Variants in RIMKLA observed in about 807,000 individuals in gnomAD.
RIMKLA encodes ribosomal modification protein rimK like family member A, also known as N-acetylaspartylglutamate synthase A.
Under a neutral mutation model 32.7 loss-of-function variants are expected in RIMKLA, and 14 were observed. The observed-to-expected ratio is 0.43, with a 90% CI of 0.28 to 0.67. The LOEUF (loss-of-function observed/expected upper bound fraction) is 0.67. Among genes scored for constraint, RIMKLA ranks in the 30% least tolerant of loss-of-function variants. The probability of loss-of-function intolerance (pLI) is 0.18; values close to 1 mark genes in which losing one functional copy is unlikely to be tolerated. For synonymous variants in RIMKLA, 176 were observed against 204.1 expected (o/e 0.86, Z 1.18); for missense variants, 410 against 519.0 (o/e 0.79, Z 2.04).
chr1:42,391,238 T>C (rs1642997405), intron 1 of RIMKLA, among the ~76,000 whole-genome samples: 1 of 152,244 alleles, frequency 6.6e-6, no homozygotes, highest in South Asian at 2.1e-4. Context: ...GGATTCTTCA[T>C]AGGGACATGG....
chr1:42,382,285 C>T (rs1336786718), intron 1 of RIMKLA, among the ~76,000 whole-genome samples: 2 of 152,212 alleles, frequency 1.3e-5, no homozygotes, highest in African/African-American at 2.4e-5. Flanking sequence ...AACCGGTACC[C>T]TCTCTCTATC....
chr1:42,402,983 C>T (rs1231617687), intron 2 of RIMKLA, among the ~76,000 whole-genome samples: 1 of 152,098 alleles, frequency 6.6e-6, no homozygotes, highest in African/African-American at 2.4e-5. Flanking sequence ...GTTTGAACCA[C>T]CAAGTTGTAA....
chr1:42,386,863 C>T (rs1022343446), intron 1 of RIMKLA, among the ~76,000 whole-genome samples: 16 of 142,956 alleles, frequency 1.1e-4, no homozygotes, highest in Admixed American at 2.9e-4. Flanking sequence ...CTACCCTGGG[C>T]GACACAGACT....
chr1:42,392,583 TG>T (rs1643008215), intron 1 of RIMKLA, among the ~76,000 whole-genome samples: 1 of 152,158 alleles, frequency 6.6e-6, no homozygotes, highest in African/African-American at 2.4e-5. Context: ...GATCCCACGT[TG>T]CCCACACATG....
At position 42,412,666 on chromosome 1, in the gene RIMKLA, T is replaced by G. The variant is rs1170568240; in HGVS notation, c.686-1818T>G. On this transcript the variant is annotated intron_variant, in intron 4 of 4. Coordinates refer to ENST00000431473, the MANE Select transcript of RIMKLA (RefSeq NM_173642.4). ...GTGATTTCAGATTTGCCAACGTAACTATGCTTTGTCATCAGTTAGAAACCA... is the reference window on the plus strand; with the variant it reads ...GTGATTTCAGATTTGCCAACGTAACGATGCTTTGTCATCAGTTAGAAACCA... The G allele has an allele frequency of 4.7e-5, 23 of 489,862 alleles. No individual in the cohort carries two copies. In the Admixed American group the frequency reaches 4.9e-4, roughly 10 times the overall value. 30.3% of individuals were successfully genotyped at this position (489,862 alleles called of 1,614,324 possible). A position where few individuals can be genotyped will look rare whatever the true frequency, so the allele number is the denominator to read the frequency against.
Position 42,390,114 on chromosome 1 carries a change from C to T in RIMKLA, c.163+9017C>T, listed in dbSNP as rs573538937. 4.5e-4 allele frequency among the ~76,000 whole-genome samples: 68 copies of T among 150,560 alleles called. No individual in the cohort carries two copies. In the East Asian group the frequency reaches 0.01, roughly 22 times the overall value. On this transcript the variant is annotated intron_variant, in intron 1 of 4. Transcript: ENST00000431473. ...ATGCAGTGGTGCGATCTCAGCTCGC[C>T]GCAACCTCTGCCTCCTGGGTTCAAG...
At chr1:42,411,082 C>T (rs1473051209) in intron 4 of RIMKLA, among the ~76,000 whole-genome samples, 1 of 152,162 alleles carries the variant, frequency 6.6e-6, no homozygotes, top group Admixed American at 6.5e-5. Context: ...GTAATCCCAG[C>T]ATTTTGGAAG....
rs1180707925 is a variant in RIMKLA at position 42,421,518 on chromosome 1, C to G, written c.*6544C>G. The G allele has an allele frequency of 6.6e-6, 1 of 152,190 alleles. No individual in the cohort carries two copies. The highest frequency in any genetic ancestry group is 1.9e-4 in the East Asian group (1 of 5,182). 9.4% of individuals were successfully genotyped at this position (152,190 alleles called of 1,614,324 possible). A position where few individuals can be genotyped will look rare whatever the true frequency, so the allele number is the denominator to read the frequency against. ...AAAATTCTGCTGTCCTGGGCCTATC[C>G]GGAGTGGGACTCCCGTAATCTCCTA... is the stretch of plus-strand genomic sequence containing the variant. On this transcript the variant is annotated 3_prime_UTR_variant, in exon 5 of 5. Coordinates refer to ENST00000431473, the MANE Select transcript of RIMKLA (RefSeq NM_173642.4). This position sits in a 1 kb window ranked among gnomAD's most constrained non-coding sequence, Gnocchi z 4.6.
intron 1 of RIMKLA, among the ~76,000 whole-genome samples, chr1:42,383,037 A>T (rs1164923288): frequency 2.2e-5 from 3 of 136,308 alleles, no homozygotes; most frequent in East Asian, 2.0e-4. Flanking sequence ...TTTTTATTTT[A>T]TTTATTTATT....
At chr1:42,400,888 GAAAAGAGGGCTGATCTGTTCACCTA>G (rs1643091138) in intron 2 of RIMKLA, among the ~76,000 whole-genome samples, 1 of 152,132 alleles carries the variant, frequency 6.6e-6, no homozygotes, top group South Asian at 2.1e-4. Context: ...TATGTAGGAA[GAAAAGAGGGCTGATCTGTTCACCTA>G]AAATGGTTAA....
Position 42,414,684 on chromosome 1 carries a change from G to T in RIMKLA, c.886G>T (p.Ala296Ser), listed in dbSNP as rs1344066731. ...CAACTTAGATGTGGGTGGGATCATTGCAGACTATACCATGTCCTTGCTGCC... is the reference window on the plus strand; with the variant it reads ...CAACTTAGATGTGGGTGGGATCATTTCAGACTATACCATGTCCTTGCTGCC... ...ACNLDVGGII[A>S]DYTMSLLPNR... The change falls in exon 5 of 5, where the codon GCA becomes TCA. Residue 296 changes from alanine (A) to serine (S), a missense_variant. Coordinates refer to ENST00000431473, the MANE Select transcript of RIMKLA (RefSeq NM_173642.4). 9.3e-6 allele frequency: 15 copies of T among 1,614,200 alleles called. No individual in the cohort carries two copies. The highest frequency in any genetic ancestry group is 1.3e-5 in the Non-Finnish European group (15 of 1,180,046).
intron 1 of RIMKLA, among the ~76,000 whole-genome samples, chr1:42,383,133 G>A (rs532359127): frequency 3.3e-5 from 5 of 151,828 alleles, no homozygotes; most frequent in Admixed American, 6.6e-5. Context: ...TGATCCATCC[G>A]CCTCGACCTC....
chr1:42,385,886 CTTT>C lies in RIMKLA; in HGVS notation c.163+4790_163+4792del, dbSNP rs751652288. On this transcript the variant is annotated intron_variant, in intron 1 of 4. Transcript: ENST00000431473. ...TCTTTCTTTCTTTCTTTCTTTCTTT[CTTT>C]CTTTCTTTCCTTCTTTCCTTCTTTC... 3.8e-3 allele frequency among the ~76,000 whole-genome samples: 354 copies of C among 93,980 alleles called. 3 individuals are homozygous for C. Among genetic ancestry groups the C allele is most frequent in the African/African-American group, 0.012 (319 of 25,654 alleles). 61.7% of individuals were successfully genotyped at this position (93,980 alleles called of 152,430 possible). A position where few individuals can be genotyped will look rare whatever the true frequency, so the allele number is the denominator to read the frequency against.
intron 1 of RIMKLA, among the ~76,000 whole-genome samples, chr1:42,394,988 C>T (rs1643030391): frequency 6.6e-6 from 1 of 152,224 alleles, no homozygotes; most frequent in Non-Finnish European, 1.5e-5. Context: ...ATCCACCCGC[C>T]TTGGCCTCCC....
At position 42,416,262 on chromosome 1, in the gene RIMKLA, A is replaced by G. The variant is rs1334539111; in HGVS notation, c.*1288A>G. 3 of 152,208 alleles carry G rather than the reference A, an allele frequency of 2.0e-5. No homozygotes were observed. Among genetic ancestry groups the G allele is most frequent in the Non-Finnish European group, 4.4e-5 (3 of 68,038 alleles). 9.4% of individuals were successfully genotyped at this position (152,208 alleles called of 1,614,324 possible). Reference sequence around the variant, plus strand: ...CCTTTTTAACCAAATACACTAGAACATATGCACTCAAGAGTTAGCATAATT... The same window carrying G: ...CCTTTTTAACCAAATACACTAGAACGTATGCACTCAAGAGTTAGCATAATT... On this transcript the variant is annotated 3_prime_UTR_variant, in exon 5 of 5. Transcript: ENST00000431473.
chr1:42,405,073 G>A lies in RIMKLA; in HGVS notation c.481+476G>A, dbSNP rs145878091. Among the ~76,000 whole-genome samples, 11 of 152,212 alleles carry A rather than the reference G, an allele frequency of 7.2e-5. No homozygotes were observed. The East Asian group carries it at 9.7e-4, about 13-fold the overall frequency. The stretch of plus-strand genomic sequence containing the variant: ...CTACTTCTCATTCACCAAGTAGACC[G>A]TGCATTTTCCCCTCTTTAAGCGTCT... On this transcript the variant is annotated intron_variant, in intron 3 of 4. Coordinates refer to ENST00000431473, the MANE Select transcript of RIMKLA (RefSeq NM_173642.4).
intron 1 of RIMKLA, among the ~76,000 whole-genome samples, 197 bp from the exon 2 acceptor site, chr1:42,399,207 C>G (rs1468457260): frequency 6.6e-6 from 1 of 152,072 alleles, no homozygotes; most frequent in Non-Finnish European, 1.5e-5. Flanking sequence ...CTTTGTGTTT[C>G]CTCATGATCA....
At chr1:42,404,815 A>G (rs2494374) in intron 3 of RIMKLA, among the ~76,000 whole-genome samples, 151,245 of 152,352 alleles carry the variant, frequency 0.99, 75,083 homozygotes, top group East Asian at 1. Flanking sequence ...AATGCTGATC[A>G]GTTTCCCTAA....
intron 1 of RIMKLA, among the ~76,000 whole-genome samples, chr1:42,385,254 G>A (rs1218755290): frequency 2.6e-5 from 4 of 152,202 alleles, no homozygotes; most frequent in Non-Finnish European, 5.9e-5. Flanking sequence ...GAGCTTCTGT[G>A]TGGGGGAGAT....
Sources: allele counts gnomAD v4.1 joint callset (sites outside exome capture counted in the v4.1 genomes callset), GRCh38; gene constraint gnomAD v4.1.1; non-coding constraint Gnocchi (gnomAD v3.1); transcripts MANE v1.5; gene names NCBI Gene and HGNC (gene_info 2026-07-23, HGNC 2026-07-21).